The following SLC8A3 variants were observed in gnomAD, a reference collection of about 807,000 sequenced individuals.
The protein encoded by SLC8A3 is sodium/calcium exchanger 3.
In SLC8A3, 37 loss-of-function variants were observed where a neutral mutation model predicts 65.4. That is an observed-to-expected ratio of 0.57 (90% confidence interval 0.44 to 0.74). The LOEUF is 0.74. Ranked by LOEUF, SLC8A3 falls within the 30% of genes least tolerant of loss-of-function variation. The pLI is 0.00. For missense variants in SLC8A3, 1,112 were observed against 1,172.1 expected (o/e 0.95, Z 0.75); for synonymous variants, 461 against 444.5 (o/e 1.04, Z -0.47).
At chr14:70,074,823 T>TA (rs11422898) in intron 2 of SLC8A3, among the ~76,000 whole-genome samples, 11,602 of 152,228 alleles carry the variant, frequency 0.076, 522 homozygotes, top group Non-Finnish European at 0.11. Context: ...ATCAAAATGT[T>TA]AATAAAGACA....
chr14:70,169,879 A>T (rs1201008859), intron 1 of SLC8A3, among the ~76,000 whole-genome samples: 1 of 152,110 alleles, frequency 6.6e-6, no homozygotes, highest in East Asian at 1.9e-4. Context: ...CTCATGTTAG[A>T]AAGCAGATGT....
intron 2 of SLC8A3, among the ~76,000 whole-genome samples, chr14:70,066,536 C>CGCG (rs1038857386): frequency 4.6e-5 from 7 of 152,134 alleles, no homozygotes; most frequent in Non-Finnish European, 1.0e-4. Context: ...ATTTGGCCAG[C>CGCG]GCGGTGCCTC....
chr14:70,054,309 CT>C (rs1375309824), intron 3 of SLC8A3, among the ~76,000 whole-genome samples: 59 of 152,158 alleles, frequency 3.9e-4, no homozygotes, highest in African/African-American at 1.4e-3. Context: ...CTCTGTCCAC[CT>C]AGGAAAATTA....
intron 2 of SLC8A3, among the ~76,000 whole-genome samples, chr14:70,137,519 C>A (rs1039186376): frequency 6.6e-6 from 1 of 152,098 alleles, no homozygotes; most frequent in Non-Finnish European, 1.5e-5. Context: ...CTGAGGGAAA[C>A]CAAATTGTAA....
chr14:70,139,451 C>G (rs1207718487), intron 2 of SLC8A3, among the ~76,000 whole-genome samples: 1 of 152,184 alleles, frequency 6.6e-6, no homozygotes, highest in African/African-American at 2.4e-5. Context: ...AGTGTAATCC[C>G]AAGAGTTGGG....
At chr14:70,130,209 G>A (rs1385279257) in intron 2 of SLC8A3, among the ~76,000 whole-genome samples, 1 of 152,230 alleles carries the variant, frequency 6.6e-6, no homozygotes, top group Admixed American at 6.5e-5. Context: ...GTTAGTTACT[G>A]AGCCCGCCTA....
intron 2 of SLC8A3, among the ~76,000 whole-genome samples, chr14:70,082,585 C>T (rs537465546): frequency 2.0e-5 from 3 of 152,326 alleles, no homozygotes; most frequent in South Asian, 2.1e-4. Flanking sequence ...CTTCCTCTTC[C>T]GAACCTGGTC....
intron 2 of SLC8A3, among the ~76,000 whole-genome samples, chr14:70,086,527 G>A (rs776628074): frequency 6.7e-6 from 1 of 150,132 alleles, no homozygotes; most frequent in Non-Finnish European, 1.5e-5. Context: ...TCAGCCTCCC[G>A]AGTAGCTGGG....
intron 2 of SLC8A3, among the ~76,000 whole-genome samples, chr14:70,141,486 G>A (rs1158187040): frequency 1.3e-5 from 2 of 152,190 alleles, no homozygotes; most frequent in East Asian, 1.9e-4. Context: ...TTTATTACAG[G>A]GAGATTTACA....
intron 1 of SLC8A3, among the ~76,000 whole-genome samples, chr14:70,176,708 T>C (rs1336023555): frequency 6.6e-6 from 1 of 152,224 alleles, no homozygotes. Flanking sequence ...TTGCCAAGAA[T>C]AGTCAGCATC....
chr14:70,047,988 C>A (rs927344981), intron 6 of SLC8A3: 1 of 152,292 alleles, frequency 6.6e-6, no homozygotes, highest in East Asian at 1.9e-4. Flanking sequence ...ATAAACTCCA[C>A]GTGGAGAAGG....
intron 2 of SLC8A3, among the ~76,000 whole-genome samples, chr14:70,106,998 C>G (rs1892919562): frequency 6.6e-6 from 1 of 152,068 alleles, no homozygotes; most frequent in Non-Finnish European, 1.5e-5. Context: ...TGCAAAAGCA[C>G]CAGTCTGAGC....
At chr14:70,153,761 G>A (rs1403252237) in intron 2 of SLC8A3, among the ~76,000 whole-genome samples, 1 of 152,156 alleles carries the variant, frequency 6.6e-6, no homozygotes, top group Non-Finnish European at 1.5e-5. Flanking sequence ...GCTGGCATAG[G>A]CTCTCCTGGG....
intron 2 of SLC8A3, among the ~76,000 whole-genome samples, chr14:70,110,218 T>A (rs554091840): frequency 7.6e-4 from 115 of 152,298 alleles, no homozygotes; most frequent in East Asian, 2.5e-3. Flanking sequence ...TCAAGTTTTT[T>A]AAAAATGTAC....
At chr14:70,088,212 T>TG (rs1306489178) in intron 2 of SLC8A3, among the ~76,000 whole-genome samples, 1 of 152,220 alleles carries the variant, frequency 6.6e-6, no homozygotes, top group Non-Finnish European at 1.5e-5. Context: ...AGAAAGGTTG[T>TG]GGGGGCAAGT....
At chr14:70,159,694 G>A (rs1896773604) in intron 2 of SLC8A3, among the ~76,000 whole-genome samples, 1 of 152,222 alleles carries the variant, frequency 6.6e-6, no homozygotes, top group South Asian at 2.1e-4. Context: ...AGACCCAGAA[G>A]AGTCCAGAGA....
At chr14:70,151,656 G>A (rs1365579513) in intron 2 of SLC8A3, among the ~76,000 whole-genome samples, 10 of 152,210 alleles carry the variant, frequency 6.6e-5, no homozygotes, top group South Asian at 4.1e-4. Flanking sequence ...GTGACAAATC[G>A]CCACAAACGT....
chr14:70,063,970 T>C (rs781630948), intron 2 of SLC8A3: 2 of 1,134,842 alleles, frequency 1.8e-6, no homozygotes, highest in Non-Finnish European at 2.7e-6. Context: ...AGGAGTAGAG[T>C]GTAGGACAAG....
At chr14:70,062,308 G>A (rs1194274517) in intron 2 of SLC8A3, among the ~76,000 whole-genome samples, 1 of 152,128 alleles carries the variant, frequency 6.6e-6, no homozygotes, top group African/African-American at 2.4e-5. Context: ...TGCATTTGTG[G>A]TGTGTGTACT....
Sources: gnomAD v4.1 joint callset for allele counts (sites outside exome capture counted in the v4.1 genomes callset) on GRCh38, gnomAD v4.1.1 for gene constraint, MANE v1.5 for transcripts, NCBI Gene and HGNC (gene_info 2026-07-23, HGNC 2026-07-21) for gene names.